The following DMAC2L variants were observed in gnomAD, a reference collection of about 807,000 sequenced individuals.
DMAC2L encodes the protein ATP synthase subunit s, mitochondrial.
DMAC2L carries 21 observed loss-of-function variants against 22.5 expected under a neutral mutation model. The observed-to-expected ratio is 0.93, with a 90% CI of 0.66 to 1.34. DMAC2L has a LOEUF of 1.34. DMAC2L is among the 40% of genes most tolerant of loss of function. The probability of loss-of-function intolerance (pLI) is 0.00; values close to 1 mark genes in which losing one functional copy is unlikely to be tolerated. For missense variants in DMAC2L, 239 were observed against 246.5 expected, an observed-to-expected ratio of 0.97 and a Z score of 0.20; for synonymous variants, 86 against 89.5, an observed-to-expected ratio of 0.96 and a Z score of 0.22.
At chr14:50,319,979 T>G (rs1278628640) in intron 2 of DMAC2L, among the ~76,000 whole-genome samples, 1 of 152,248 alleles carries the variant, frequency 6.6e-6, no homozygotes, top group Non-Finnish European at 1.5e-5. Flanking sequence ...TGGCCTCATG[T>G]GATTGAAGCC....
upstream of DMAC2L, chr14:50,312,186 G>C (rs1318686105): frequency 7.5e-6 from 12 of 1,605,546 alleles, no homozygotes; most frequent in African/African-American, 1.3e-5. Flanking sequence ...GCGCTCAGAA[G>C]AAGCCACTTG....
In DMAC2L at chr14:50,325,523, C is replaced by T. The variant is rs1308239090; in HGVS notation, c.489-86C>T. On this transcript the variant is annotated intron_variant, in intron 5 of 5. Coordinates refer to ENST00000557421, the MANE Select transcript of DMAC2L (RefSeq NM_001382507.1). ...TAGGGTGATATAGATTCATTTTCTA[C>T]ATAATTTTCTTTCTTTAAGTCAGTA... is the stretch of plus-strand genomic sequence containing the variant. 5.6e-6 allele frequency: 8 copies of T among 1,428,678 alleles called. 1 individual carries two copies. Among genetic ancestry groups the T allele is most frequent in the African/African-American group, 1.4e-5 (1 of 69,256 alleles). 88.5% of individuals were successfully genotyped at this position (1,428,678 alleles called of 1,614,324 possible).
rs753940084 is a variant in DMAC2L at position 50,323,896 on chromosome 14, G to A, written c.317-49G>A. The A allele has an allele frequency of 2.0e-6, 3 of 1,500,374 alleles. No homozygotes were observed. In the South Asian group the frequency reaches 3.8e-5, roughly 19 times the overall value. 92.9% of individuals were successfully genotyped at this position (1,500,374 alleles called of 1,614,324 possible). A position where few individuals can be genotyped will look rare whatever the true frequency, so the allele number is the denominator to read the frequency against. ...AGTCGTGGGCAAACCAGGACAGTTTGTCATCTTAGTGGTAAAGCAGATTCT... is the reference window on the plus strand; with the variant it reads ...AGTCGTGGGCAAACCAGGACAGTTTATCATCTTAGTGGTAAAGCAGATTCT... On this transcript the variant is annotated intron_variant, in intron 4 of 5. Coordinates refer to ENST00000557421, the MANE Select transcript of DMAC2L (RefSeq NM_001382507.1).
At chr14:50,316,160 G>C (rs923706905) in intron 2 of DMAC2L, among the ~76,000 whole-genome samples, 4 of 152,176 alleles carry the variant, frequency 2.6e-5, no homozygotes, top group African/African-American at 9.6e-5. Flanking sequence ...CTGATGATTA[G>C]TGATGTTGAG....
intron 2 of DMAC2L, chr14:50,319,194 C>T (rs1346842484): frequency 6.5e-7 from 1 of 1,535,644 alleles, no homozygotes; most frequent in African/African-American, 1.4e-5. Context: ...TGGGCACAGG[C>T]AGAGAGCGCT....
intron 1 of DMAC2L, among the ~76,000 whole-genome samples, chr14:50,313,771 T>C (rs1188584821): frequency 1.3e-5 from 2 of 152,230 alleles, no homozygotes; most frequent in African/African-American, 4.8e-5. Context: ...TGTGTATATT[T>C]AGTTCTATAT....
chr14:50,320,441 C>T (rs1595203086), intron 2 of DMAC2L, among the ~76,000 whole-genome samples: 1 of 152,246 alleles, frequency 6.6e-6, no homozygotes, highest in East Asian at 1.9e-4. Flanking sequence ...AATTCCCTGG[C>T]TGAGCATGCA....
intron 2 of DMAC2L, among the ~76,000 whole-genome samples, chr14:50,318,802 C>T (rs935654984): frequency 1.3e-5 from 2 of 152,134 alleles, no homozygotes; most frequent in African/African-American, 2.4e-5. Flanking sequence ...TCTCTAGATT[C>T]TCATGGTATT....
chr14:50,319,698 T>G (rs558020420), intron 2 of DMAC2L, among the ~76,000 whole-genome samples: 1 of 152,362 alleles, frequency 6.6e-6, no homozygotes, highest in Middle Eastern at 3.4e-3. Flanking sequence ...CTGATTCCAA[T>G]GATTTGTTGG....
rs2032363754 is a variant in DMAC2L at position 50,322,539 on chromosome 14, G to A, written c.136G>A (p.Gly46Ser). The A allele has an allele frequency of 6.2e-7, 1 of 1,612,956 alleles. No homozygotes were observed. The highest frequency in any genetic ancestry group is 8.5e-7 in the Non-Finnish European group (1 of 1,179,146). The stretch of plus-strand genomic sequence containing the variant: ...GGATTATGATCGCATCAGGGATGTT[G>A]GCCCTGACAGGGCGGCATCCGAGTG... ...KVDYDRIRDV[G>S]PDRAASEWLL... Residue 46 changes from glycine (G) to serine (S), a missense_variant, in exon 4 of 6, where the codon GGC becomes AGC. Physicochemically the swap from Gly to Ser is moderately conservative, Grantham distance 56. Coordinates refer to ENST00000557421, the MANE Select transcript of DMAC2L (RefSeq NM_001382507.1).
Position 50,326,526 on chromosome 14 carries a change from G to A in DMAC2L, c.*803G>A, listed in dbSNP as rs958562038. The stretch of plus-strand genomic sequence containing the variant: ...CATGCATTGCTTCAACAGGATTTGC[G>A]TGCATTTCCCATGATCCTGCATTCT... On this transcript the variant is annotated 3_prime_UTR_variant, in exon 6 of 6. Transcript: ENST00000557421. 2.0e-6 allele frequency: 2 copies of A among 985,248 alleles called. No homozygotes were observed. Among genetic ancestry groups the A allele is most frequent in the Non-Finnish European group, 2.4e-6 (2 of 829,928 alleles). The allele number at this position is 985,248 out of a possible 1,614,324, so 61.0% of individuals were successfully genotyped here. A position where few individuals can be genotyped will look rare whatever the true frequency, so the allele number is the denominator to read the frequency against.
Position 50,325,806 on chromosome 14 carries a change from G to A in DMAC2L, c.*83G>A, listed in dbSNP as rs2032672277. 1 of 1,485,452 alleles carries A rather than the reference G, an allele frequency of 6.7e-7. No homozygotes were observed. Among genetic ancestry groups the A allele is most frequent in the Non-Finnish European group, 8.9e-7 (1 of 1,121,302 alleles). The allele number at this position is 1,485,452 out of a possible 1,614,324, so 92.0% of individuals were successfully genotyped here. A position where few individuals can be genotyped will look rare whatever the true frequency, so the allele number is the denominator to read the frequency against. ...AACTAATATTATATAGTCATCAGTA[G>A]AATTATAAGGATGCCATATCATGAC... On this transcript the variant is annotated 3_prime_UTR_variant, in exon 6 of 6. Coordinates refer to ENST00000557421, the MANE Select transcript of DMAC2L (RefSeq NM_001382507.1).
chr14:50,317,634 G>A (rs2031918401), intron 2 of DMAC2L, among the ~76,000 whole-genome samples: 1 of 152,134 alleles, frequency 6.6e-6, no homozygotes, highest in Non-Finnish European at 1.5e-5. Context: ...GCCGGACGTG[G>A]TGGTGGGCGC....
In DMAC2L at chr14:50,325,873, T is replaced by A; in HGVS notation, c.*150T>A. ...GTGCATCATATGTAGAAAATAAATA[T>A]TCAGACGTGGCTCATTAATGTTACT... On this transcript the variant is annotated 3_prime_UTR_variant, in exon 6 of 6. Transcript: ENST00000557421. 1 of 1,310,942 alleles carries A rather than the reference T, an allele frequency of 7.6e-7. No individual in the cohort carries two copies. The highest frequency in any genetic ancestry group is 3.1e-5 in the East Asian group (1 of 32,134). 81.2% of individuals were successfully genotyped at this position (1,310,942 alleles called of 1,614,324 possible).
intron 1 of DMAC2L, chr14:50,312,648 C>T (rs1432942367): frequency 3.2e-6 from 1 of 308,402 alleles, no homozygotes; most frequent in East Asian, 7.5e-5. Context: ...CCCGCTCCAG[C>T]TCCAGCCGGG....
chr14:50,324,676 C>G (rs2032568099), intron 5 of DMAC2L: 1 of 152,176 alleles, frequency 6.6e-6, no homozygotes, highest in Non-Finnish European at 1.5e-5. Context: ...CACCTAATCC[C>G]AAATGCAAAA....
In DMAC2L at chr14:50,326,283, C is replaced by A; in HGVS notation, c.*560C>A. The stretch of plus-strand genomic sequence containing the variant: ...GGTAACATTTTAATTCTAATATATT[C>A]ATTTAATATGTAAATCTATAGATAT... On this transcript the variant is annotated 3_prime_UTR_variant, in exon 6 of 6. Coordinates refer to ENST00000557421, the MANE Select transcript of DMAC2L (RefSeq NM_001382507.1). The A allele has an allele frequency of 6.8e-6, 3 of 439,284 alleles. No homozygotes were observed. The highest frequency in any genetic ancestry group is 9.0e-6 in the Non-Finnish European group (3 of 332,412). The allele number at this position is 439,284 out of a possible 1,614,324, so 27.2% of individuals were successfully genotyped here. A position where few individuals can be genotyped will look rare whatever the true frequency, so the allele number is the denominator to read the frequency against.
chr14:50,325,069 C>T (rs749680427), intron 5 of DMAC2L, among the ~76,000 whole-genome samples: 7 of 152,266 alleles, frequency 4.6e-5, no homozygotes, highest in South Asian at 2.1e-4. Flanking sequence ...CCACCGTGCC[C>T]GGCCTAGAAG....
chr14:50,322,918 A>G (rs1371730466), intron 4 of DMAC2L, 199 bp downstream of exon 4: 7 of 1,432,562 alleles, frequency 4.9e-6, no homozygotes, highest in Non-Finnish European at 6.4e-6. Flanking sequence ...TCCTCCTCTC[A>G]CTAAGCTTGT....
Sources: allele counts gnomAD v4.1 joint callset (sites outside exome capture counted in the v4.1 genomes callset), GRCh38; gene constraint gnomAD v4.1.1; transcripts MANE v1.5; gene names NCBI Gene and HGNC (gene_info 2026-07-23, HGNC 2026-07-21).